The following CSMD1 variants were observed in gnomAD, a reference collection of about 807,000 sequenced individuals.
The protein encoded by CSMD1 is CUB and sushi domain-containing protein 1.
CSMD1 carries 213 observed loss-of-function variants against 417.5 expected under a neutral mutation model. The ratio of observed to expected loss-of-function variants is 0.51; its 90% CI spans 0.46 to 0.57. The LOEUF is 0.57. CSMD1 is among the 20% of genes least tolerant of loss of function. The probability of loss-of-function intolerance (pLI) is 0.00; values close to 1 mark genes in which losing one functional copy is unlikely to be tolerated. For synonymous variants in CSMD1, 2,862 were observed against 1,736.8 expected (o/e 1.65, Z -16.11); for missense variants, 6,923 against 4,529.7 (o/e 1.53, Z -15.17).
rs546921982 is a variant in CSMD1, at chr8:4,205,677, A to C, written c.416-173578T>G. On this transcript the variant is annotated intron_variant, in intron 3 of 69. Transcript: ENST00000635120. ...TAACGGCTGTTGTGGCTCATTTGGG[A>C]AATTTTTACAAAGTTTCTTCCTACC... Among the ~76,000 whole-genome samples, 67 of 152,034 alleles carry C rather than the reference A, an allele frequency of 4.4e-4. 1 individual carries two copies. In the South Asian group the frequency reaches 0.014, roughly 31 times the overall value.
chr8:4,138,507 A>C (rs973739482), intron 3 of CSMD1, among the ~76,000 whole-genome samples: 1 of 152,148 alleles, frequency 6.6e-6, no homozygotes, highest in African/African-American at 2.4e-5. Flanking sequence ...AAATGTACAA[A>C]ATCTCAGGAG....
intron 9 of CSMD1, among the ~76,000 whole-genome samples, 163 bp from the exon 10 acceptor site, chr8:3,575,229 A>G (rs969560430): frequency 1.3e-5 from 2 of 151,026 alleles, no homozygotes. Flanking sequence ...CCAGTCAGCA[A>G]GTGGATTGCT....
At chr8:3,633,886 G>A (rs1243210252) in intron 7 of CSMD1, among the ~76,000 whole-genome samples, 2 of 152,186 alleles carry the variant, frequency 1.3e-5, no homozygotes, top group African/African-American at 4.8e-5. Flanking sequence ...CCTGACGTAT[G>A]TATTCAAAAC....
At chr8:3,675,531 G>A (rs777332230) in intron 7 of CSMD1, among the ~76,000 whole-genome samples, 25 of 152,070 alleles carry the variant, frequency 1.6e-4, no homozygotes, top group Non-Finnish European at 2.8e-4. Context: ...CCAATGAGAT[G>A]GTGTTTGGAA....
intron 2 of CSMD1, among the ~76,000 whole-genome samples, chr8:4,482,853 A>G (rs1801171437): frequency 6.6e-6 from 1 of 152,152 alleles, no homozygotes; most frequent in South Asian, 2.1e-4. Flanking sequence ...TTAATTTGCT[A>G]TTTATGTTTT....
intron 6 of CSMD1, among the ~76,000 whole-genome samples, chr8:3,733,226 C>G (rs1028149362): frequency 1.2e-4 from 18 of 149,292 alleles, no homozygotes; most frequent in African/African-American, 4.4e-4. Flanking sequence ...CTCATACATA[C>G]ACATACATAT....
chr8:2,948,801 C>G (rs921391342), intron 68 of CSMD1, among the ~76,000 whole-genome samples: 4 of 152,056 alleles, frequency 2.6e-5, no homozygotes, highest in African/African-American at 9.7e-5. Flanking sequence ...ATACATCCAT[C>G]AAAATTAAAC....
intron 5 of CSMD1, among the ~76,000 whole-genome samples, chr8:3,971,697 G>T (rs746284639): frequency 6.6e-6 from 1 of 152,140 alleles, no homozygotes; most frequent in African/African-American, 2.4e-5. Context: ...AGGATGCAAG[G>T]ATACGAGCCT....
intron 2 of CSMD1, among the ~76,000 whole-genome samples, chr8:4,611,831 T>G (rs1055782200): frequency 2.0e-5 from 3 of 152,194 alleles, no homozygotes; most frequent in Non-Finnish European, 4.4e-5. Flanking sequence ...CAGCTTAAAA[T>G]GGTAATTCCT....
intron 10 of CSMD1, among the ~76,000 whole-genome samples, chr8:3,561,997 A>T (rs7812761): frequency 0.8 from 122,075 of 151,768 alleles, 49,762 homozygotes; most frequent in Middle Eastern, 0.88. Context: ...CTACGTCAGA[A>T]ACTTTGTGAA....
chr8:3,424,427 G>C (rs1585144485), intron 12 of CSMD1, among the ~76,000 whole-genome samples: 1 of 152,142 alleles, frequency 6.6e-6, no homozygotes, highest in African/African-American at 2.4e-5. Flanking sequence ...ATACCACAAG[G>C]TAGCACGTCT....
chr8:4,322,046 G>A (rs1375004296), intron 3 of CSMD1, among the ~76,000 whole-genome samples: 3 of 151,970 alleles, frequency 2.0e-5, no homozygotes, highest in African/African-American at 7.2e-5. Flanking sequence ...TATTTTAAAT[G>A]CCTAATTCAC....
chr8:4,575,530 G>A (rs1799096982), intron 2 of CSMD1, among the ~76,000 whole-genome samples: 1 of 152,170 alleles, frequency 6.6e-6, no homozygotes, highest in African/African-American at 2.4e-5. Flanking sequence ...GAGTGCAGAA[G>A]GGAGAGCACC....
intron 49 of CSMD1, among the ~76,000 whole-genome samples, chr8:3,075,173 G>T (rs1225876577): frequency 6.6e-6 from 1 of 152,006 alleles, no homozygotes; most frequent in Non-Finnish European, 1.5e-5. Context: ...AGAAGCAGAT[G>T]CTGCCATACT....
At chr8:3,866,311 A>G (rs1031576965) in intron 5 of CSMD1, among the ~76,000 whole-genome samples, 3 of 152,230 alleles carry the variant, frequency 2.0e-5, no homozygotes, top group Non-Finnish European at 4.4e-5. Context: ...CTGCTGTAAA[A>G]GGCTGGCTGA....
intron 12 of CSMD1, among the ~76,000 whole-genome samples, chr8:3,430,278 C>T (rs1268582975): frequency 1.3e-5 from 2 of 152,094 alleles, no homozygotes; most frequent in African/African-American, 4.8e-5. Context: ...TGAATACTTA[C>T]AGGTGACATT....
At chr8:4,150,182 G>C (rs1056000351) in intron 3 of CSMD1, among the ~76,000 whole-genome samples, 4 of 152,156 alleles carry the variant, frequency 2.6e-5, no homozygotes, top group African/African-American at 4.8e-5. Context: ...TATGTCCTGA[G>C]GCATCTGTCT....
chr8:4,160,244 T>G (rs1797070839), intron 3 of CSMD1, among the ~76,000 whole-genome samples: 1 of 152,304 alleles, frequency 6.6e-6, no homozygotes, highest in South Asian at 2.1e-4. Context: ...AGTCTAACTT[T>G]ATCATAAAGT....
At chr8:4,269,443 A>G (rs572225943) in intron 3 of CSMD1, among the ~76,000 whole-genome samples, 95 of 152,234 alleles carry the variant, frequency 6.2e-4, no homozygotes, top group African/African-American at 2.2e-3. Context: ...TTCTCTCTGA[A>G]GTTTAATCAA....
Sources: allele counts gnomAD v4.1 joint callset (sites outside exome capture counted in the v4.1 genomes callset), GRCh38; gene constraint gnomAD v4.1.1; transcripts MANE v1.5; gene names NCBI Gene and HGNC (gene_info 2026-07-23, HGNC 2026-07-21).